The following SWT1 variants were observed in gnomAD, a reference collection of about 807,000 sequenced individuals.
SWT1 encodes the protein transcriptional protein SWT1.
Under a neutral mutation model 107.3 loss-of-function variants are expected in SWT1, and 33 were observed. The observed-to-expected ratio is 0.31, with a 90% CI of 0.23 to 0.41. The LOEUF is 0.41. Ranked by LOEUF, SWT1 falls within the 10% of genes least tolerant of loss-of-function variation. The pLI is 1.00. For synonymous variants in SWT1, 345 were observed against 348.3 expected (o/e 0.99, Z 0.11); for missense variants, 898 against 1,028.9 (o/e 0.87, Z 1.74).
At chr1:185,159,242 AATC>A (rs1348489252) in intron 1 of SWT1, among the ~76,000 whole-genome samples, 1 of 152,256 alleles carries the variant, frequency 6.6e-6, no homozygotes, top group African/African-American at 2.4e-5. Flanking sequence ...AAGCATCAGG[AATC>A]ATCAGGAGCC....
chr1:185,258,898 T>C (rs1662824656), intron 16 of SWT1, among the ~76,000 whole-genome samples: 1 of 152,176 alleles, frequency 6.6e-6, no homozygotes, highest in Non-Finnish European at 1.5e-5. Flanking sequence ...AGTGCCTCTC[T>C]ACCATTCTCC....
chr1:185,198,994 G>C (rs1176573033), intron 10 of SWT1, among the ~76,000 whole-genome samples: 2 of 149,270 alleles, frequency 1.3e-5, no homozygotes, highest in Non-Finnish European at 3.0e-5. Context: ...CTGGAGTACA[G>C]TGGTGAGATC....
intron 13 of SWT1, among the ~76,000 whole-genome samples, chr1:185,208,141 A>T (rs1185424068): frequency 6.6e-6 from 1 of 152,228 alleles, no homozygotes; most frequent in Non-Finnish European, 1.5e-5. Context: ...ATAGGAGATG[A>T]TTAATCATGA....
chr1:185,180,301 A>G (rs1015432185), intron 5 of SWT1, 90 bp from the exon 6 acceptor site: 5 of 1,023,472 alleles, frequency 4.9e-6, no homozygotes, highest in East Asian at 4.8e-5. Context: ...AAAGTGAATT[A>G]TCTGACCCTG....
chr1:185,256,055 GAT>G (rs2102670581), intron 16 of SWT1, among the ~76,000 whole-genome samples: 1 of 151,354 alleles, frequency 6.6e-6, no homozygotes, highest in East Asian at 2.0e-4. Context: ...AGTTTGGCTG[GAT>G]ATGAAATTCT....
chr1:185,174,033 A>G (rs139364839), intron 4 of SWT1, among the ~76,000 whole-genome samples: 113 of 152,240 alleles, frequency 7.4e-4, no homozygotes, highest in African/African-American at 2.5e-3. Flanking sequence ...AAAAAATGAA[A>G]TCACACATAC....
At chr1:185,232,536 C>T (rs1488975036) in intron 16 of SWT1, among the ~76,000 whole-genome samples, 2 of 152,150 alleles carry the variant, frequency 1.3e-5, no homozygotes, top group African/African-American at 4.8e-5. Context: ...TAAAACAGAT[C>T]TTGCAATCAA....
chr1:185,188,086 C>G (rs1281990955), intron 9 of SWT1, among the ~76,000 whole-genome samples: 3 of 152,160 alleles, frequency 2.0e-5, no homozygotes, highest in African/African-American at 7.2e-5. Context: ...TTCATTTACT[C>G]CTCATGATTA....
At chr1:185,192,414 C>G (rs753056313) in intron 10 of SWT1, among the ~76,000 whole-genome samples, 18 of 152,118 alleles carry the variant, frequency 1.2e-4, no homozygotes, top group Non-Finnish European at 2.2e-4. Flanking sequence ...TCTTCATGAT[C>G]TATATACAGT....
chr1:185,200,664 C>G (rs754449616), intron 10 of SWT1, among the ~76,000 whole-genome samples: 1 of 152,166 alleles, frequency 6.6e-6, no homozygotes, highest in African/African-American at 2.4e-5. Flanking sequence ...AGCCGGAGCT[C>G]TTCTGTATGA....
rs1427478182 is a variant in SWT1, at chr1:185,252,802, C to T, written c.2442-18521C>T. On this transcript the variant is annotated intron_variant, in intron 16 of 18. Coordinates refer to ENST00000367500, the MANE Select transcript of SWT1 (RefSeq NM_017673.7). ...TTGAGTTTAATTAGATCCCATTTGT[C>T]AATTTTGGCTTTTGTTGCCATTGCT... 2.0e-5 allele frequency among the ~76,000 whole-genome samples: 3 copies of T among 151,862 alleles called. No homozygotes were observed. In the East Asian group the frequency reaches 5.8e-4, roughly 29 times the overall value.
rs144118679 is a variant in SWT1 at position 185,180,745 on chromosome 1, G to A, written c.1026+295G>A. Among the ~76,000 whole-genome samples the A allele has an allele frequency of 1.8e-3, 272 of 152,232 alleles. 2 individuals are homozygous for A. Among genetic ancestry groups the A allele is most frequent in the African/African-American group, 6.3e-3 (260 of 41,534 alleles). The stretch of plus-strand genomic sequence containing the variant: ...ATATTATGACACTTTCCCTGTTTAT[G>A]CCTAGGGTTGCCAAAATGCAGTAGG... On this transcript the variant is annotated intron_variant, in intron 6 of 18. Coordinates refer to ENST00000367500, the MANE Select transcript of SWT1 (RefSeq NM_017673.7).
At chr1:185,179,883 C>T (rs1262150971) in intron 5 of SWT1, among the ~76,000 whole-genome samples, 3 of 152,194 alleles carry the variant, frequency 2.0e-5, no homozygotes, top group South Asian at 4.1e-4. Context: ...GAAACATTTT[C>T]GATTGTCAAG....
At chr1:185,219,500 A>C (rs1659472213) in intron 14 of SWT1, among the ~76,000 whole-genome samples, 1 of 152,190 alleles carries the variant, frequency 6.6e-6, no homozygotes, top group Non-Finnish European at 1.5e-5. Context: ...TGAAATTAGC[A>C]ATCCATGAAG....
At chr1:185,233,679 G>C (rs909849486) in intron 16 of SWT1, among the ~76,000 whole-genome samples, 6 of 152,126 alleles carry the variant, frequency 3.9e-5, no homozygotes, top group Admixed American at 3.9e-4. Context: ...TGTTTGTTAT[G>C]ATTTACATTC....
At chr1:185,243,439 A>G (rs1661387420) in intron 16 of SWT1, among the ~76,000 whole-genome samples, 1 of 152,146 alleles carries the variant, frequency 6.6e-6, no homozygotes, top group Non-Finnish European at 1.5e-5. Flanking sequence ...TTTGAGAAAT[A>G]TATTCTTGTG....
chr1:185,204,838 T>C lies in SWT1; in HGVS notation c.1808T>C (p.Ile603Thr). ...LSSILETEMK[I>T]AFGNLWMEIL... is the part of the protein sequence containing the mutation. ...TCAATATTAGAAACAGAAATGAAAA[T>C]TGCTTTTGGAAACCTTTGGATGGAG... is the stretch of plus-strand genomic sequence containing the variant. The change falls in exon 12 of 19, where the codon ATT becomes ACT. Residue 603 changes from isoleucine (I) to threonine (T), a missense_variant. Ile to Thr is a moderately conservative substitution (Grantham distance 89). Coordinates refer to ENST00000367500, the MANE Select transcript of SWT1 (RefSeq NM_017673.7). The C allele has an allele frequency of 6.3e-7, 1 of 1,582,010 alleles. No individual in the cohort carries two copies. Among genetic ancestry groups the C allele is most frequent in the South Asian group, 1.2e-5 (1 of 84,718 alleles).
chr1:185,283,651 GT>G (rs1320790907), intron 18 of SWT1, among the ~76,000 whole-genome samples: 1 of 152,116 alleles, frequency 6.6e-6, no homozygotes, highest in African/African-American at 2.4e-5. Flanking sequence ...AAACCAAACT[GT>G]TTTTCTTGCT....
intron 9 of SWT1, among the ~76,000 whole-genome samples, chr1:185,185,510 C>T (rs1220994716): frequency 6.6e-6 from 1 of 151,954 alleles, no homozygotes; most frequent in Admixed American, 6.6e-5. Context: ...TAAAGGAACA[C>T]TTATTTCTGT....
Sources: gnomAD v4.1 joint callset for allele counts (sites outside exome capture counted in the v4.1 genomes callset) on GRCh38, gnomAD v4.1.1 for gene constraint, MANE v1.5 for transcripts, NCBI Gene and HGNC (gene_info 2026-07-23, HGNC 2026-07-21) for gene names.